Variants in MYO16 observed in about 807,000 individuals in gnomAD.
MYO16 encodes unconventional myosin-XVI.
A neutral mutation model predicts 205.3 loss-of-function variants in MYO16; 94 were observed. That is an observed-to-expected ratio of 0.46 (90% confidence interval 0.39 to 0.54). The LOEUF (loss-of-function observed/expected upper bound fraction) is 0.54, where lower values mean the gene tolerates loss of function less well. Among genes scored for constraint, MYO16 ranks in the 20% least tolerant of loss-of-function variants. The pLI is 0.00. For missense variants in MYO16, 2,315 were observed against 2,387.5 expected (o/e 0.97, Z 0.63); for synonymous variants, 988 against 954.0 (o/e 1.04, Z -0.66).
At chr13:108,600,786 C>T (rs1878732721) in intron 1 of MYO16, among the ~76,000 whole-genome samples, 1 of 152,108 alleles carries the variant, frequency 6.6e-6, no homozygotes, top group Admixed American at 6.6e-5. Context: ...GTAGTAAATG[C>T]AGCCCCTAAC....
chr13:108,956,203 G>T (rs749001153), intron 16 of MYO16, among the ~76,000 whole-genome samples: 30 of 152,194 alleles, frequency 2.0e-4, no homozygotes, highest in Admixed American at 7.2e-4. Flanking sequence ...CCAGTTGAAT[G>T]GGCCCGCAAT....
chr13:109,013,743 T>C (rs186456327), intron 22 of MYO16, among the ~76,000 whole-genome samples: 13 of 152,390 alleles, frequency 8.5e-5, no homozygotes, highest in Non-Finnish European at 1.9e-4. Context: ...TTCATGTGTC[T>C]TTTGGCTGCA....
chr13:108,950,626 A>G (rs1226845678), intron 16 of MYO16, among the ~76,000 whole-genome samples: 1 of 152,226 alleles, frequency 6.6e-6, no homozygotes, highest in Non-Finnish European at 1.5e-5. Flanking sequence ...CGTGCTAGAA[A>G]AGAGTGTGAC....
chr13:108,632,857 G>C (rs559565895), intron 1 of MYO16, among the ~76,000 whole-genome samples: 1 of 152,220 alleles, frequency 6.6e-6, no homozygotes, highest in South Asian at 2.1e-4. Flanking sequence ...ATGAGAAATG[G>C]AACTCAAGGG....
intron 23 of MYO16, among the ~76,000 whole-genome samples, chr13:109,044,168 G>A (rs918629739): frequency 6.6e-6 from 1 of 152,154 alleles, no homozygotes; most frequent in African/African-American, 2.4e-5. Context: ...CTTATCAGTG[G>A]CTTTTGCTAC....
At chr13:108,743,485 C>T (rs1428012585) in intron 4 of MYO16, among the ~76,000 whole-genome samples, 1 of 152,140 alleles carries the variant, frequency 6.6e-6, no homozygotes, top group Admixed American at 6.5e-5. Flanking sequence ...GATTTTTTCG[C>T]TGCTTGAAAT....
chr13:108,506,273 T>A, the MYO16 span, among the ~76,000 whole-genome samples: 1 of 152,156 alleles, frequency 6.6e-6, no homozygotes, highest in Non-Finnish European at 1.5e-5. Context: ...TTAACAATAT[T>A]AAGTCTTCCA....
chr13:109,123,153 T>C (rs1008346248), intron 29 of MYO16, among the ~76,000 whole-genome samples: 1 of 152,190 alleles, frequency 6.6e-6, no homozygotes, highest in Non-Finnish European at 1.5e-5. Flanking sequence ...CAACATCCAT[T>C]AGTGGCAATT....
At chr13:109,130,621 G>A (rs935328386) in intron 31 of MYO16, among the ~76,000 whole-genome samples, 2 of 152,206 alleles carry the variant, frequency 1.3e-5, no homozygotes, top group Non-Finnish European at 2.9e-5. Flanking sequence ...CAGTGGTCTG[G>A]GTTTGTAATC....
At chr13:109,022,025 C>A (rs1886041115) in intron 23 of MYO16, among the ~76,000 whole-genome samples, 1 of 150,330 alleles carries the variant, frequency 6.7e-6, no homozygotes, top group African/African-American at 2.4e-5. Context: ...TGGTGAGTGG[C>A]ACGTCAGAAG....
chr13:109,029,516 A>G (rs1368945155), intron 23 of MYO16, among the ~76,000 whole-genome samples: 1 of 152,044 alleles, frequency 6.6e-6, no homozygotes, highest in East Asian at 1.9e-4. Flanking sequence ...CTGAGATTGA[A>G]CTTTTAAATT....
chr13:108,889,588 A>G (rs1353386665), intron 14 of MYO16, among the ~76,000 whole-genome samples: 1 of 152,230 alleles, frequency 6.6e-6, no homozygotes, highest in African/African-American at 2.4e-5. Context: ...AAAAGAATGG[A>G]AATCAACAGT....
rs150851854 is a variant in MYO16, at chr13:108,687,464, A to C, written c.292+21315A>C. 7.4e-3 allele frequency among the ~76,000 whole-genome samples: 1,123 copies of C among 152,272 alleles called. 14 individuals are homozygous for C. Among genetic ancestry groups the C allele is most frequent in the African/African-American group, 0.026 (1,069 of 41,544 alleles). ...GATCTACCAACTGCAGAAAAATCAC[A>C]GCCTCTCATAGTTGCACAAATTTTA... On this transcript the variant is annotated intron_variant, in intron 2 of 34. Coordinates refer to ENST00000457511, the MANE Select transcript of MYO16 (RefSeq NM_001198950.3).
chr13:108,524,993 A>T, the MYO16 span, among the ~76,000 whole-genome samples: 219 of 152,274 alleles, frequency 1.4e-3, no homozygotes, highest in African/African-American at 5.2e-3. Flanking sequence ...TATTTTTAAA[A>T]CTTTTTTAAA....
At chr13:108,893,177 TC>T (rs1477616701) in intron 14 of MYO16, among the ~76,000 whole-genome samples, 5 of 152,164 alleles carry the variant, frequency 3.3e-5, no homozygotes, top group African/African-American at 1.2e-4. Context: ...AAATCATCAG[TC>T]ATTATATCTG....
chr13:108,723,585 T>G (rs1484246332), intron 3 of MYO16, among the ~76,000 whole-genome samples: 2 of 152,202 alleles, frequency 1.3e-5, no homozygotes, highest in Non-Finnish European at 2.9e-5. Flanking sequence ...GAACATTCTT[T>G]CTTCACTGAA....
At chr13:109,101,129 A>T (rs1566506634) in intron 28 of MYO16, 1 of 430,212 alleles carries the variant, frequency 2.3e-6, no homozygotes, top group East Asian at 3.9e-5. Context: ...ACAGAAGCTT[A>T]TGAGCCCCAT....
intron 23 of MYO16, among the ~76,000 whole-genome samples, chr13:109,037,123 T>C (rs1296383678): frequency 1.3e-5 from 2 of 152,228 alleles, no homozygotes; most frequent in Non-Finnish European, 2.9e-5. Context: ...TTCTCCTTAG[T>C]GCTTTTTCTT....
chr13:109,011,821 T>C (rs1032509721), intron 22 of MYO16, among the ~76,000 whole-genome samples: 3 of 152,078 alleles, frequency 2.0e-5, no homozygotes, highest in Admixed American at 6.6e-5. Context: ...CTGGATTTTC[T>C]TTAATAGGAG....
Sources: allele counts gnomAD v4.1 joint callset (sites outside exome capture counted in the v4.1 genomes callset), GRCh38; gene constraint gnomAD v4.1.1; transcripts MANE v1.5; gene names NCBI Gene and HGNC (gene_info 2026-07-23, HGNC 2026-07-21).